The following CHSY1 variants were observed in gnomAD, a reference collection of about 807,000 sequenced individuals.
The protein encoded by CHSY1 is N-acetylgalactosaminyl-proteoglycan 3-beta-glucuronosyltransferase 1.
A neutral mutation model predicts 59.8 loss-of-function variants in CHSY1; 13 were observed. The observed-to-expected ratio is 0.22, with a 90% CI of 0.14 to 0.35. The LOEUF is 0.35. CHSY1 is among the 10% of genes least tolerant of loss of function. CHSY1 has a pLI of 1.00. For synonymous variants in CHSY1, 459 were observed against 401.2 expected (o/e 1.14, Z -1.72); for missense variants, 947 against 1,030.6 (o/e 0.92, Z 1.11).
intron 2 of CHSY1, among the ~76,000 whole-genome samples, chr15:101,213,046 T>C (rs1327801609): frequency 6.6e-6 from 1 of 152,076 alleles, no homozygotes; most frequent in African/African-American, 2.4e-5. Flanking sequence ...AAATTATCAA[T>C]AGAAAATCTA....
chr15:101,201,004 C>T (rs1334997696), intron 2 of CHSY1, among the ~76,000 whole-genome samples: 1 of 152,080 alleles, frequency 6.6e-6, no homozygotes, highest in Non-Finnish European at 1.5e-5. Flanking sequence ...CCTTCCCTGC[C>T]TGAGCCAGGG....
intron 1 of CHSY1, among the ~76,000 whole-genome samples, chr15:101,248,534 G>A (rs932745315): frequency 3.9e-5 from 6 of 152,174 alleles, no homozygotes; most frequent in African/African-American, 7.2e-5. Context: ...CCTGGTAGGC[G>A]TTTTCCTTTC....
In CHSY1 at chr15:101,177,368, T is replaced by C. The variant is rs1290363676; in HGVS notation, c.*20A>G. 1 of 1,593,680 alleles carries C rather than the reference T, an allele frequency of 6.3e-7. No individual in the cohort carries two copies. The highest frequency in any genetic ancestry group is 1.8e-5 in the Admixed American group (1 of 54,386). On this transcript the variant is annotated 3_prime_UTR_variant, in exon 3 of 3. Coordinates refer to ENST00000254190, the MANE Select transcript of CHSY1 (RefSeq NM_014918.5). Reference sequence around the variant, plus strand: ...AATAAATTAGATAATTAAAAACGTCTTTTCCAGCAAAGCTGGACATTAGGC... The same window carrying C: ...AATAAATTAGATAATTAAAAACGTCCTTTCCAGCAAAGCTGGACATTAGGC...
rs111897653 is a variant in CHSY1, at chr15:101,239,788, C to T, written c.321-4211G>A. 9.4e-3 allele frequency among the ~76,000 whole-genome samples: 1,436 copies of T among 152,232 alleles called. 23 individuals carry two copies. The highest frequency in any genetic ancestry group is 0.033 in the African/African-American group (1,367 of 41,522). ...TTCAGACAATGTTACAGGAAAGAGG[C>T]CTAACTGCAAATTTCACGAGCATTT... On this transcript the variant is annotated intron_variant, in intron 1 of 2. Coordinates refer to ENST00000254190, the MANE Select transcript of CHSY1 (RefSeq NM_014918.5).
intron 2 of CHSY1, among the ~76,000 whole-genome samples, chr15:101,182,346 T>C (rs1370231914): frequency 1.3e-5 from 2 of 152,142 alleles, no homozygotes; most frequent in Non-Finnish European, 2.9e-5. Context: ...TGGGGATGAT[T>C]AGTGTCACCC....
At position 101,178,006 on chromosome 15, in the gene CHSY1, G is replaced by A. The variant is rs780922334; in HGVS notation, c.1791C>T (p.Ala597=). Residue 597 remains alanine, a synonymous_variant, in exon 3 of 3, where the codon GCC becomes GCT. Coordinates refer to ENST00000254190, the MANE Select transcript of CHSY1 (RefSeq NM_014918.5). ...CAGACACAGGCAAAATCTGCATGTCGGCTTTAGGGTACTTAATGCGGTAAT... is the reference window on the plus strand; with the variant it reads ...CAGACACAGGCAAAATCTGCATGTCAGCTTTAGGGTACTTAATGCGGTAAT... The part of the protein sequence containing the change: ...MRDYRIKYPK[A]DMQILPVSGE... The A allele has an allele frequency of 2.1e-5, 34 of 1,614,032 alleles. No individual in the cohort carries two copies. The highest frequency in any genetic ancestry group is 2.0e-4 in the East Asian group (9 of 44,898).
At chr15:101,189,433 C>T in intron 2 of CHSY1, 3 of 985,528 alleles carry the variant, frequency 3.0e-6, no homozygotes, top group Non-Finnish European at 3.6e-6. Flanking sequence ...CTTACAGGGA[C>T]AAGGTGGATG....
At position 101,251,380 on chromosome 15, in the gene CHSY1, A is replaced by G; in HGVS notation, c.77T>C (p.Leu26Pro). Reference protein sequence around the residue: ...LVLGFVLASRLVLPRASELKR... With the variant: ...LVLGFVLASRPVLPRASELKR... ...CAGCTCGGAAGCCCGGGGCAGGACGAGCCGCGAGGCCAGCACGAAGCCCAG... is the reference window on the plus strand; with the variant it reads ...CAGCTCGGAAGCCCGGGGCAGGACGGGCCGCGAGGCCAGCACGAAGCCCAG... Residue 26 changes from leucine to proline, a missense_variant, in exon 1 of 3, where the codon CTC becomes CCC. Transcript: ENST00000254190. 8.6e-7 allele frequency: 1 copy of G among 1,166,702 alleles called. No homozygotes were observed. The highest frequency in any genetic ancestry group is 1.1e-6 in the Non-Finnish European group (1 of 926,610). The allele number at this position is 1,166,702 out of a possible 1,614,324, so 72.3% of individuals were successfully genotyped here. A position where few individuals can be genotyped will look rare whatever the true frequency, so the allele number is the denominator to read the frequency against.
chr15:101,185,532 G>A (rs11247272), intron 2 of CHSY1, among the ~76,000 whole-genome samples: 722 of 9,568 alleles, frequency 0.075, 1 homozygote, highest in South Asian at 0.099. Flanking sequence ...CCCTGTGAAC[G>A]CCCTCCATGG....
At chr15:101,220,324 C>T (rs930344155) in intron 2 of CHSY1, among the ~76,000 whole-genome samples, 1 of 152,224 alleles carries the variant, frequency 6.6e-6, no homozygotes, top group Middle Eastern at 3.4e-3. Context: ...CCTAACTGCC[C>T]GTGTACTTAA....
chr15:101,188,682 T>G (rs2038403669), intron 2 of CHSY1, among the ~76,000 whole-genome samples: 1 of 152,198 alleles, frequency 6.6e-6, no homozygotes, highest in Non-Finnish European at 1.5e-5. Flanking sequence ...CCTGACTCAT[T>G]TCAAAATAAT....
chr15:101,176,656 C>A lies in CHSY1; in HGVS notation c.*732G>T. 3.0e-6 allele frequency: 1 copy of A among 336,732 alleles called. No individual in the cohort carries two copies. Among genetic ancestry groups the A allele is most frequent in the Non-Finnish European group, 5.3e-6 (1 of 188,196 alleles). 20.9% of individuals were successfully genotyped at this position (336,732 alleles called of 1,614,324 possible). A position where few individuals can be genotyped will look rare whatever the true frequency, so the allele number is the denominator to read the frequency against. On this transcript the variant is annotated 3_prime_UTR_variant, in exon 3 of 3. Coordinates refer to ENST00000254190, the MANE Select transcript of CHSY1 (RefSeq NM_014918.5). ...TAAAAATACAAAAAAACTAGCTGGG[C>A]GTGGTGGTGTGTGCCTGTAATCCCA...
chr15:101,240,193 T>C (rs915193216), intron 1 of CHSY1, among the ~76,000 whole-genome samples: 3 of 152,234 alleles, frequency 2.0e-5, no homozygotes, highest in Non-Finnish European at 4.4e-5. Context: ...TAAGAAATTA[T>C]AATCTTTTCA....
intron 2 of CHSY1, among the ~76,000 whole-genome samples, chr15:101,184,984 C>T (rs560204122): frequency 3.3e-5 from 5 of 152,300 alleles, no homozygotes; most frequent in African/African-American, 7.2e-5. Context: ...GAGGGTGATG[C>T]GGGTTTAAGC....
chr15:101,195,092 A>G (rs188534713), intron 2 of CHSY1, among the ~76,000 whole-genome samples: 10 of 152,346 alleles, frequency 6.6e-5, no homozygotes, highest in African/African-American at 2.2e-4. Context: ...CTTACGATGA[A>G]CTATTTTTAA....
Position 101,251,431 on chromosome 15 carries a change from C to G in CHSY1, c.26G>C (p.Trp9Ser), listed in dbSNP as rs2039110862. The stretch of plus-strand genomic sequence containing the variant: ...GACGAGCCCGAGCAGCACGCTGAGC[C>G]AGGCGCGCCGGCCGCGCGCGGCCAT... MAARGRRA[W>S]LSVLLGLVLG... Residue 9 changes from tryptophan (W) to serine (S), a missense_variant, in exon 1 of 3, where the codon TGG (tryptophan) becomes TCG (serine). Trp to Ser is a radical substitution (Grantham distance 177, BLOSUM62 -3). Around this residue, in one of 4 missense-constraint regions of CHSY1, gnomAD observed 232 missense variants for 188.5 expected, o/e 1.23. Coordinates refer to ENST00000254190, the MANE Select transcript of CHSY1 (RefSeq NM_014918.5). The G allele has an allele frequency of 9.2e-7, 1 of 1,091,456 alleles. No individual in the cohort carries two copies. Among genetic ancestry groups the G allele is most frequent in the Non-Finnish European group, 1.1e-6 (1 of 886,656 alleles). The allele number at this position is 1,091,456 out of a possible 1,614,324, so 67.6% of individuals were successfully genotyped here.
chr15:101,179,405 T>C (rs2038244323), intron 2 of CHSY1, among the ~76,000 whole-genome samples: 1 of 152,126 alleles, frequency 6.6e-6, no homozygotes, highest in African/African-American at 2.4e-5. Context: ...GGGAATAAAC[T>C]TCCTCCTGAG....
In CHSY1 at chr15:101,207,882, A is replaced by G. The variant is rs1455701820; in HGVS notation, c.816+27200T>C. On this transcript the variant is annotated intron_variant, in intron 2 of 2. Transcript: ENST00000254190. ...AGCCACTAGTGGGGTCAAGCAAGATAGGGTCCCCAGATGGGGTGAGGGTGG... is the reference window on the plus strand; with the variant it reads ...AGCCACTAGTGGGGTCAAGCAAGATGGGGTCCCCAGATGGGGTGAGGGTGG... Among the ~76,000 whole-genome samples, 4 of 152,182 alleles carry G rather than the reference A, an allele frequency of 2.6e-5. No homozygotes were observed. In the East Asian group the frequency reaches 7.7e-4, roughly 29 times the overall value.
At chr15:101,226,029 G>A (rs1233654916) in intron 2 of CHSY1, among the ~76,000 whole-genome samples, 3 of 152,138 alleles carry the variant, frequency 2.0e-5, no homozygotes, top group African/African-American at 7.2e-5. Flanking sequence ...GGTTTGTTTT[G>A]CCAACAAAAT....
Sources: allele counts gnomAD v4.1 joint callset (sites outside exome capture counted in the v4.1 genomes callset), GRCh38; gene constraint gnomAD v4.1.1; regional missense constraint gnomAD v4.1.1; transcripts MANE v1.5; gene names NCBI Gene and HGNC (gene_info 2026-07-23, HGNC 2026-07-21).